The following RIT2 variants were observed in gnomAD, a reference collection of about 807,000 sequenced individuals.
RIT2 encodes the protein Ras like without CAAX 2, also known as GTP-binding protein Rit2.
A neutral mutation model predicts 23.7 loss-of-function variants in RIT2; 24 were observed. The ratio of observed to expected loss-of-function variants is 1.01; its 90% CI spans 0.73 to 1.43. The LOEUF (loss-of-function observed/expected upper bound fraction) is 1.43. Ranked by LOEUF, RIT2 falls within the 40% of genes most tolerant of loss-of-function variation. The pLI, the probability that RIT2 is intolerant of heterozygous loss-of-function variation, is 0.00. For synonymous variants in RIT2, 107 were observed against 91.1 expected (o/e 1.17, Z -0.99); for missense variants, 236 against 266.9 (o/e 0.88, Z 0.81).
chr18:42,912,565 C>T (rs1908798484), intron 4 of RIT2, among the ~76,000 whole-genome samples: 1 of 151,834 alleles, frequency 6.6e-6, no homozygotes, highest in African/African-American at 2.4e-5. Context: ...AAGTTTCTCT[C>T]GTGTTCAGTA....
At chr18:42,920,728 G>T (rs1909034011) in intron 4 of RIT2, 1 of 1,595,960 alleles carries the variant, frequency 6.3e-7, no homozygotes, top group South Asian at 1.1e-5. Flanking sequence ...TCAACCATCA[G>T]AATTCTTCCC....
chr18:43,064,567 A>G (rs1310287977), intron 1 of RIT2, among the ~76,000 whole-genome samples: 2 of 152,152 alleles, frequency 1.3e-5, no homozygotes, highest in Admixed American at 6.5e-5. Flanking sequence ...AAACTTTGAA[A>G]GAACGCTAGA....
intron 4 of RIT2, among the ~76,000 whole-genome samples, chr18:42,798,550 C>G (rs1480773841): frequency 6.6e-6 from 1 of 152,196 alleles, no homozygotes; most frequent in African/African-American, 2.4e-5. Flanking sequence ...GAATGTAGCA[C>G]ATAACCAATA....
chr18:42,839,924 G>C (rs1402319725), intron 4 of RIT2, among the ~76,000 whole-genome samples: 1 of 152,164 alleles, frequency 6.6e-6, no homozygotes, highest in Non-Finnish European at 1.5e-5. Context: ...AAACAATCCA[G>C]GAAGCCAAAC....
intron 4 of RIT2, among the ~76,000 whole-genome samples, chr18:42,831,387 T>G (rs1013687097): frequency 1.3e-5 from 2 of 152,214 alleles, no homozygotes; most frequent in Non-Finnish European, 2.9e-5. Flanking sequence ...ATTTGGTTTT[T>G]TATTGCTTTC....
intron 2 of RIT2, among the ~76,000 whole-genome samples, chr18:42,988,380 CTA>C (rs1188332033): frequency 6.6e-6 from 1 of 152,126 alleles, no homozygotes; most frequent in East Asian, 1.9e-4. Context: ...TTATTTTTCT[CTA>C]GTCTATAACA....
chr18:43,033,325 T>C (rs1185798284), intron 2 of RIT2, among the ~76,000 whole-genome samples: 3 of 152,138 alleles, frequency 2.0e-5, no homozygotes, highest in Non-Finnish European at 4.4e-5. Context: ...ATACCTTAAA[T>C]GTCAGTTTCC....
At chr18:42,929,319 A>G (rs1909269790) in intron 3 of RIT2, among the ~76,000 whole-genome samples, 1 of 152,028 alleles carries the variant, frequency 6.6e-6, no homozygotes, top group African/African-American at 2.4e-5. Flanking sequence ...GATCTGCAGT[A>G]TCAGGTTCTC....
chr18:42,945,969 A>G (rs967784328), intron 3 of RIT2, among the ~76,000 whole-genome samples: 1 of 152,124 alleles, frequency 6.6e-6, no homozygotes, highest in Non-Finnish European at 1.5e-5. Flanking sequence ...CTAATTGGCT[A>G]ATGTTTTTTG....
At chr18:42,776,414 T>C (rs1013446113) in intron 4 of RIT2, among the ~76,000 whole-genome samples, 1 of 152,212 alleles carries the variant, frequency 6.6e-6, no homozygotes, top group Non-Finnish European at 1.5e-5. Context: ...AAGGGTAATA[T>C]TATTATCATA....
At chr18:43,063,351 C>T (rs1912696276) in intron 1 of RIT2, among the ~76,000 whole-genome samples, 1 of 152,134 alleles carries the variant, frequency 6.6e-6, no homozygotes, top group East Asian at 1.9e-4. Flanking sequence ...TATTGACTAA[C>T]TTACTTGGCT....
chr18:43,067,660 A>G (rs1400730467), intron 1 of RIT2, among the ~76,000 whole-genome samples: 1 of 152,212 alleles, frequency 6.6e-6, no homozygotes, highest in African/African-American at 2.4e-5. Context: ...CCAAAGTTTT[A>G]TCATGCAAAT....
intron 2 of RIT2, among the ~76,000 whole-genome samples, chr18:42,999,667 C>T (rs4890243): frequency 0.95 from 145,066 of 152,132 alleles, 69,533 homozygotes; most frequent in East Asian, 1. Context: ...GTACCTGATC[C>T]ATGAAATCAT....
chr18:42,996,639 C>T (rs1331741924), intron 2 of RIT2, among the ~76,000 whole-genome samples: 1 of 151,870 alleles, frequency 6.6e-6, no homozygotes, highest in East Asian at 1.9e-4. Flanking sequence ...GAGAACAACC[C>T]CCCTTTGAGT....
intron 4 of RIT2, among the ~76,000 whole-genome samples, chr18:42,864,487 A>G (rs1173388954): frequency 6.6e-6 from 1 of 152,180 alleles, no homozygotes. Context: ...CTGTTCTTTC[A>G]TGGGAAATAG....
At chr18:42,889,320 C>A (rs960678864) in intron 4 of RIT2, among the ~76,000 whole-genome samples, 1 of 151,948 alleles carries the variant, frequency 6.6e-6, no homozygotes, top group Non-Finnish European at 1.5e-5. Context: ...TTTAAGTTAA[C>A]ATAAACAACT....
chr18:42,931,927 C>T lies in RIT2; in HGVS notation c.235-8164G>A, dbSNP rs181047043. Among the ~76,000 whole-genome samples, 6 of 152,264 alleles carry T rather than the reference C, an allele frequency of 3.9e-5. No individual in the cohort carries two copies. In the East Asian group the frequency reaches 7.7e-4, roughly 20 times the overall value. ...TAAATAAGAAAAATGATATGGGACT[C>T]ATGCACACACATACCCACACGTGCT... On this transcript the variant is annotated intron_variant, in intron 3 of 4. Coordinates refer to ENST00000326695, the MANE Select transcript of RIT2 (RefSeq NM_002930.4).
At chr18:42,758,026 C>T (rs1355258423) in intron 4 of RIT2, among the ~76,000 whole-genome samples, 2 of 150,360 alleles carry the variant, frequency 1.3e-5, no homozygotes, top group South Asian at 4.2e-4. Context: ...TATTTCAATC[C>T]TGCAGTATTA....
intron 1 of RIT2, among the ~76,000 whole-genome samples, chr18:43,087,541 A>C (rs1913315387): frequency 6.6e-6 from 1 of 152,124 alleles, no homozygotes; most frequent in Non-Finnish European, 1.5e-5. Flanking sequence ...TCTTACCAAA[A>C]AGTGACAGTG....
Sources: allele counts gnomAD v4.1 joint callset (sites outside exome capture counted in the v4.1 genomes callset), GRCh38; gene constraint gnomAD v4.1.1; transcripts MANE v1.5; gene names NCBI Gene and HGNC (gene_info 2026-07-23, HGNC 2026-07-21).